KCNMA1: variants seen among roughly 807,000 people sequenced by gnomAD.
KCNMA1 encodes Calcium-activated potassium channel subunit alpha-1.
KCNMA1 carries 29 observed loss-of-function variants against 140.0 expected under a neutral mutation model. The observed-to-expected ratio is 0.21, with a 90% confidence interval of 0.15 to 0.28. KCNMA1 has a LOEUF of 0.28. Among genes scored for constraint, KCNMA1 ranks in the 10% least tolerant of loss-of-function variants. The pLI is 1.00. For missense variants in KCNMA1, 880 were observed against 1,602.2 expected, an observed-to-expected ratio of 0.55 and a Z score of 7.70; for synonymous variants, 612 against 611.9, an observed-to-expected ratio of 1.00 and a Z score of 0.00.
chr10:77,032,144 A>G (rs2093979692), intron 15 of KCNMA1, among the ~76,000 whole-genome samples: 1 of 152,176 alleles, frequency 6.6e-6, no homozygotes. Context: ...CTAAGATACA[A>G]CAATTTGTCC....
intron 6 of KCNMA1, among the ~76,000 whole-genome samples, chr10:77,116,080 G>C (rs1305762427): frequency 6.6e-6 from 1 of 152,174 alleles, no homozygotes; most frequent in African/African-American, 2.4e-5. Context: ...CCAGGGATCT[G>C]GGCCAAACAC....
chr10:77,228,886 G>A (rs753176970), intron 3 of KCNMA1, among the ~76,000 whole-genome samples: 12 of 152,200 alleles, frequency 7.9e-5, no homozygotes, highest in Non-Finnish European at 1.3e-4. Context: ...CACTCACTAC[G>A]TGAAAACCTA....
At chr10:76,911,035 A>T (rs1209444958) in intron 24 of KCNMA1, 1 of 151,840 alleles carries the variant, frequency 6.6e-6, no homozygotes, top group African/African-American at 2.4e-5. Flanking sequence ...CGGTGGGGGG[A>T]TGGGAGAAGG....
intron 2 of KCNMA1, among the ~76,000 whole-genome samples, chr10:77,301,574 C>T (rs946153682): frequency 2.0e-5 from 3 of 151,576 alleles, no homozygotes; most frequent in Admixed American, 6.6e-5. Context: ...ACCTTGTTTC[C>T]TCTCCATCTT....
At chr10:77,249,301 C>T (rs1285802593) in intron 3 of KCNMA1, 4 of 152,140 alleles carry the variant, frequency 2.6e-5, no homozygotes, top group Admixed American at 2.6e-4. Context: ...TGGTGTAGGA[C>T]ATTAGGGGAA....
rs908944480 is a variant in KCNMA1 at position 77,183,897 on chromosome 10, G to A, written c.697-365C>T. ...CACACGTTTTCTAGTGCCCCATAGA[G>A]AGCCCTATATAGACTAACTATATGC... is the stretch of plus-strand genomic sequence containing the variant. On this transcript the variant is annotated intron_variant, in intron 4 of 27. Transcript: ENST00000286628. Among the ~76,000 whole-genome samples, 11 of 152,176 alleles carry A rather than the reference G, an allele frequency of 7.2e-5. No homozygotes were observed. In the South Asian group the frequency reaches 8.3e-4, roughly 11 times the overall value.
chr10:77,032,725 C>T (rs2094022419), intron 15 of KCNMA1, among the ~76,000 whole-genome samples: 1 of 151,552 alleles, frequency 6.6e-6, no homozygotes, highest in Admixed American at 6.6e-5. Context: ...TATACAAAGC[C>T]CAACCCCCCT....
At chr10:76,909,308 A>G (rs1164327366) in intron 25 of KCNMA1, among the ~76,000 whole-genome samples, 1 of 152,142 alleles carries the variant, frequency 6.6e-6, no homozygotes, top group Non-Finnish European at 1.5e-5. Context: ...CCAAGCCATG[A>G]CAGCCTCTTA....
At chr10:77,627,143 A>G (rs1192707986) in intron 1 of KCNMA1, among the ~76,000 whole-genome samples, 1 of 152,194 alleles carries the variant, frequency 6.6e-6, no homozygotes, top group Non-Finnish European at 1.5e-5. Flanking sequence ...CTCCTATTCT[A>G]AGAAGCGGCT....
At chr10:77,139,745 A>G (rs572977985) in intron 5 of KCNMA1, among the ~76,000 whole-genome samples, 257 of 152,354 alleles carry the variant, frequency 1.7e-3, no homozygotes, top group African/African-American at 6.0e-3. Context: ...AATGCCTATC[A>G]GAAAGCAGTT....
chr10:77,349,966 T>A (rs1397708336), intron 2 of KCNMA1, among the ~76,000 whole-genome samples: 4 of 152,146 alleles, frequency 2.6e-5, no homozygotes, highest in African/African-American at 9.7e-5. Context: ...CGATCTCGGC[T>A]TGGCTCACCG....
At chr10:77,099,883 A>G (rs1006409897) in intron 9 of KCNMA1, among the ~76,000 whole-genome samples, 2 of 152,080 alleles carry the variant, frequency 1.3e-5, no homozygotes, top group Admixed American at 6.5e-5. Context: ...CTGGGTCTGT[A>G]AGCTTTTAGG....
At chr10:77,340,038 C>T (rs1325324373) in intron 2 of KCNMA1, among the ~76,000 whole-genome samples, 1 of 152,192 alleles carries the variant, frequency 6.6e-6, no homozygotes, top group African/African-American at 2.4e-5. Context: ...CTGCTTTTCT[C>T]TCTGTTACAT....
intron 2 of KCNMA1, among the ~76,000 whole-genome samples, chr10:77,385,372 A>G (rs1022623385): frequency 6.6e-6 from 1 of 152,260 alleles, no homozygotes; most frequent in Non-Finnish European, 1.5e-5. Flanking sequence ...TTTTATTAAC[A>G]ATGTATACAA....
intron 1 of KCNMA1, among the ~76,000 whole-genome samples, chr10:77,472,114 C>A (rs2098173110): frequency 6.7e-6 from 1 of 150,244 alleles, no homozygotes. Context: ...TACCCACACA[C>A]CACGCATTCT....
intron 7 of KCNMA1, among the ~76,000 whole-genome samples, chr10:77,111,955 G>A (rs61866992): frequency 0.34 from 52,321 of 152,046 alleles, 9,561 homozygotes; most frequent in Middle Eastern, 0.42. Flanking sequence ...TTCGTAAGGC[G>A]GAAGTGGAAA....
intron 9 of KCNMA1, among the ~76,000 whole-genome samples, chr10:77,105,465 C>T (rs1442802036): frequency 1.3e-5 from 2 of 152,168 alleles, no homozygotes; most frequent in Non-Finnish European, 2.9e-5. Flanking sequence ...AGCTTTAGAT[C>T]ATGAGTTACC....
intron 14 of KCNMA1, among the ~76,000 whole-genome samples, chr10:77,047,964 T>C (rs1440878001): frequency 6.6e-6 from 1 of 152,024 alleles, no homozygotes; most frequent in Non-Finnish European, 1.5e-5. Context: ...TTATTTCTAA[T>C]ATCCATTCTT....
At chr10:76,992,642 G>A (rs1345613200) in intron 19 of KCNMA1, among the ~76,000 whole-genome samples, 1 of 152,182 alleles carries the variant, frequency 6.6e-6, no homozygotes, top group Non-Finnish European at 1.5e-5. Flanking sequence ...CTACCACCAT[G>A]AGGGAACCCA....
Sources: allele counts gnomAD v4.1 joint callset (sites outside exome capture counted in the v4.1 genomes callset), GRCh38; gene constraint gnomAD v4.1.1; transcripts MANE v1.5; gene names NCBI Gene and HGNC (gene_info 2026-07-23, HGNC 2026-07-21).